ARHGEF4: variants seen among roughly 807,000 people sequenced by gnomAD.
The protein encoded by ARHGEF4 is APC-stimulated guanine nucleotide exchange factor 1.
ARHGEF4 carries 119 observed loss-of-function variants against 162.0 expected under a neutral mutation model. The ratio of observed to expected loss-of-function variants is 0.73; its 90% CI spans 0.63 to 0.86. ARHGEF4 has a LOEUF of 0.86. Ranked by LOEUF, ARHGEF4 falls within the 40% of genes least tolerant of loss-of-function variation. The probability of loss-of-function intolerance (pLI) is 0.00; values close to 1 mark genes in which losing one functional copy is unlikely to be tolerated. For missense variants in ARHGEF4, 2,488 were observed against 2,456.0 expected (o/e 1.01, Z -0.28); for synonymous variants, 1,014 against 979.9 (o/e 1.03, Z -0.65).
rs939900444 is a variant in ARHGEF4 at position 130,917,468 on chromosome 2, G to A, written c.3522G>A (p.Val1174=). The A allele has an allele frequency of 2.6e-6, 4 of 1,550,290 alleles. No homozygotes were observed. In the African/African-American group the frequency reaches 4.1e-5, roughly 16 times the overall value. ...AGGGTCCGCGCGGCTTGGGCACAGT[G>A]CCCTGGCTCAGGGACCTTCCTGGGA... ...GGQGPRGLGT[V]PWLRDLPGSE... The change falls in exon 2 of 14, where the codon GTG becomes GTA. Residue 1174 remains valine (V), a synonymous_variant. Transcript: ENST00000409359.
intron 2 of ARHGEF4, among the ~76,000 whole-genome samples, chr2:130,926,848 C>G (rs1682326459): frequency 1.9e-5 from 1 of 52,372 alleles, no homozygotes; most frequent in Non-Finnish European, 4.0e-5. Context: ...TGGTCAGGAG[C>G]ACTCTTACAG....
chr2:130,965,107 C>T (rs562217248), intron 4 of ARHGEF4, among the ~76,000 whole-genome samples: 37 of 152,350 alleles, frequency 2.4e-4, no homozygotes, highest in Admixed American at 1.8e-3. Context: ...TATGCTTCTG[C>T]ATGGGGCTGG....
chr2:130,915,377 A>T lies in ARHGEF4; in HGVS notation c.1431A>T (p.Gln477His), dbSNP rs12464119. The T allele has an allele frequency of 6.4e-7, 1 of 1,550,404 alleles. No individual in the cohort carries two copies. The highest frequency in any genetic ancestry group is 8.7e-7 in the Non-Finnish European group (1 of 1,146,982). ...ESRTQEPQGT[Q>H]LAPRAADERE... is the part of the protein sequence containing the mutation. ...GAACCCAGGAACCCCAAGGCACCCA[A>T]CTCGCACCAAGAGCTGCTGATGAGA... The change falls in exon 2 of 14, where the codon CAA becomes CAT. Residue 477 changes from glutamine to histidine, a missense_variant. Gln to His is a conservative substitution (Grantham distance 24). This residue lies in a region of ARHGEF4 where 1,642 missense variants were observed against 1,481.5 expected (regional missense o/e 1.11). Coordinates refer to ENST00000409359, the MANE Select transcript of ARHGEF4 (RefSeq NM_001367493.1).
intron 2 of ARHGEF4, among the ~76,000 whole-genome samples, chr2:130,917,808 T>C (rs1288924784): frequency 7.0e-6 from 1 of 142,656 alleles, no homozygotes; most frequent in Non-Finnish European, 1.5e-5. Context: ...TCTTTTCTTT[T>C]CTTTTTCTTT....
chr2:130,930,084 G>A (rs376005784), intron 2 of ARHGEF4, among the ~76,000 whole-genome samples: 1 of 152,038 alleles, frequency 6.6e-6, no homozygotes, highest in Non-Finnish European at 1.5e-5. Flanking sequence ...TAGTAGAGAC[G>A]AGGTTTCACT....
chr2:130,981,064 C>A (rs1241857901), intron 4 of ARHGEF4, among the ~76,000 whole-genome samples: 1 of 152,152 alleles, frequency 6.6e-6, no homozygotes, highest in Non-Finnish European at 1.5e-5. Context: ...CTGTTCAGAA[C>A]TTAAGTCTTT....
chr2:130,996,407 A>G (rs1027599611), intron 4 of ARHGEF4, among the ~76,000 whole-genome samples: 1 of 151,984 alleles, frequency 6.6e-6, no homozygotes, highest in African/African-American at 2.4e-5. Context: ...GAATTTTTTG[A>G]ATTATAGACT....
chr2:130,941,228 A>G (rs1353628392), intron 3 of ARHGEF4, among the ~76,000 whole-genome samples: 2 of 145,818 alleles, frequency 1.4e-5, no homozygotes, highest in Non-Finnish European at 3.0e-5. Flanking sequence ...TTTTTTTGAG[A>G]TGGAGTCTTG....
chr2:130,924,687 T>C (rs1220728155), intron 2 of ARHGEF4, among the ~76,000 whole-genome samples: 4 of 152,166 alleles, frequency 2.6e-5, no homozygotes, highest in Non-Finnish European at 4.4e-5. Context: ...AAGGCATGCA[T>C]ACAGGATCAT....
At chr2:130,950,887 A>G (rs544651638) in intron 4 of ARHGEF4, among the ~76,000 whole-genome samples, 3 of 152,212 alleles carry the variant, frequency 2.0e-5, no homozygotes, top group East Asian at 3.9e-4. Flanking sequence ...ATAATATTCC[A>G]TTGTATGGAT....
rs750831340 is a variant in ARHGEF4, at chr2:131,040,018, G to C, written c.4308G>C (p.Leu1436=). Residue 1436 remains leucine, a splice_region_variant and synonymous_variant, in exon 7 of 14, where the codon CTG becomes CTC. Transcript: ENST00000409359. Reference sequence around the variant, plus strand: ...GACCGGCCACGCATGGCCTGCAGCTGAGGGTGAATCAGGACGAGCCCGCGG... The same window carrying C: ...GACCGGCCACGCATGGCCTGCAGCTCAGGGTGAATCAGGACGAGCCCGCGG... ...EGWFPASFVR[L]RVNQDEPADD... 8.3e-6 allele frequency: 13 copies of C among 1,557,754 alleles called. No homozygotes were observed. The South Asian group carries it at 1.5e-4, about 18-fold the overall frequency.
In ARHGEF4 at chr2:131,039,292, G is replaced by A. The variant is rs1256118819; in HGVS notation, c.4305+260G>A. ...GTGCAGACACTAGGCACCCCTCTGCGATACCCCCGCAACTCCAGGCGCTAG... is the reference window on the plus strand; with the variant it reads ...GTGCAGACACTAGGCACCCCTCTGCAATACCCCCGCAACTCCAGGCGCTAG... On this transcript the variant is annotated intron_variant, in intron 6 of 13. Coordinates refer to ENST00000409359, the MANE Select transcript of ARHGEF4 (RefSeq NM_001367493.1). 15 of 1,273,792 alleles carry A rather than the reference G, an allele frequency of 1.2e-5. No homozygotes were observed. The East Asian group carries it at 1.3e-4, about 11-fold the overall frequency. 78.9% of individuals were successfully genotyped at this position (1,273,792 alleles called of 1,614,324 possible).
At chr2:130,944,614 AT>A (rs1383361886) in intron 3 of ARHGEF4, among the ~76,000 whole-genome samples, 1 of 151,914 alleles carries the variant, frequency 6.6e-6, no homozygotes, top group Non-Finnish European at 1.5e-5. Context: ...TCTCCACTTT[AT>A]TTTTTATCTA....
At chr2:130,896,879 C>T (rs1680188320) in intron 1 of ARHGEF4, among the ~76,000 whole-genome samples, 1 of 152,106 alleles carries the variant, frequency 6.6e-6, no homozygotes, top group South Asian at 2.1e-4. Context: ...TTTATGGCAG[C>T]TGAGTCTGCA....
At chr2:130,948,566 TTA>T (rs1273907352) in intron 4 of ARHGEF4, among the ~76,000 whole-genome samples, 2 of 152,358 alleles carry the variant, frequency 1.3e-5, no homozygotes, top group African/African-American at 4.8e-5. Flanking sequence ...TATTTTCCTA[TTA>T]TTTCAGTGTC....
At chr2:130,845,668 G>A (rs1680909724) in intron 1 of ARHGEF4, among the ~76,000 whole-genome samples, 1 of 152,196 alleles carries the variant, frequency 6.6e-6, no homozygotes, top group African/African-American at 2.4e-5. Context: ...GGTGTGGCTG[G>A]TGGGAGAAGC....
chr2:131,020,227 T>G (rs973798979), intron 4 of ARHGEF4, among the ~76,000 whole-genome samples: 1 of 152,148 alleles, frequency 6.6e-6, no homozygotes, highest in Non-Finnish European at 1.5e-5. Context: ...TTAGGGTACA[T>G]GTGCACAATG....
chr2:130,899,541 C>T (rs886872883), intron 1 of ARHGEF4, among the ~76,000 whole-genome samples: 14 of 152,298 alleles, frequency 9.2e-5, no homozygotes, highest in African/African-American at 3.4e-4. Context: ...TACTCTTGAC[C>T]TGTGGACTTC....
chr2:130,841,974 G>T (rs1680644825), intron 1 of ARHGEF4, among the ~76,000 whole-genome samples: 1 of 152,186 alleles, frequency 6.6e-6, no homozygotes. Context: ...CCAGGGTCGG[G>T]GACACTCCAA....
Sources: gnomAD v4.1 joint callset for allele counts (sites outside exome capture counted in the v4.1 genomes callset) on GRCh38, gnomAD v4.1.1 for gene constraint, gnomAD v4.1.1 regional missense constraint, MANE v1.5 for transcripts, NCBI Gene and HGNC (gene_info 2026-07-23, HGNC 2026-07-21) for gene names.